Variants in IQCM observed in about 807,000 individuals in gnomAD.
IQCM encodes the protein IQ motif containing M.
In IQCM, 45 loss-of-function variants were observed where a neutral mutation model predicts 57.6. That is an observed-to-expected ratio of 0.78 (90% CI 0.62 to 1.00). The LOEUF (loss-of-function observed/expected upper bound fraction) is 1.00. Among genes scored for constraint, IQCM ranks in the 50% least tolerant of loss-of-function variants. The pLI, the probability that IQCM is intolerant of heterozygous loss-of-function variation, is 0.00. For missense variants in IQCM, 468 were observed against 511.6 expected (o/e 0.91, Z 0.82); for synonymous variants, 148 against 158.9 (o/e 0.93, Z 0.51).
At chr4:149,542,785 AC>A (rs1747986674) in intron 12 of IQCM, among the ~76,000 whole-genome samples, 1 of 152,250 alleles carries the variant, frequency 6.6e-6, no homozygotes, top group South Asian at 2.1e-4. Context: ...ATAATAGCAA[AC>A]TTTTATTGTG....
At chr4:149,478,658 C>T (rs1252799909) in intron 12 of IQCM, among the ~76,000 whole-genome samples, 2 of 152,064 alleles carry the variant, frequency 1.3e-5, no homozygotes, top group Non-Finnish European at 2.9e-5. Flanking sequence ...AGACAAGACG[C>T]AGGAAATAGC....
At chr4:149,473,184 G>A (rs1490610605) in intron 12 of IQCM, among the ~76,000 whole-genome samples, 3 of 152,128 alleles carry the variant, frequency 2.0e-5, no homozygotes, top group East Asian at 1.9e-4. Flanking sequence ...GAGTGAACAG[G>A]CGACCTACAG....
chr4:149,605,161 T>C (rs1287422788), intron 8 of IQCM, among the ~76,000 whole-genome samples: 1 of 152,152 alleles, frequency 6.6e-6, no homozygotes, highest in Non-Finnish European at 1.5e-5. Flanking sequence ...TGATTGAGAA[T>C]TGGGTTGAAT....
At chr4:149,636,130 A>T (rs951410555) in intron 7 of IQCM, among the ~76,000 whole-genome samples, 5 of 152,198 alleles carry the variant, frequency 3.3e-5, no homozygotes, top group Non-Finnish European at 5.9e-5. Context: ...TTCGTTTTTC[A>T]GCTAGAGTGC....
chr4:149,700,431 T>C (rs1763682370), intron 5 of IQCM, among the ~76,000 whole-genome samples: 1 of 151,866 alleles, frequency 6.6e-6, no homozygotes, highest in Non-Finnish European at 1.5e-5. Context: ...ACATGTCCCC[T>C]GGCTCTCTCA....
chr4:149,454,207 TAC>T (rs1258071478), intron 12 of IQCM, among the ~76,000 whole-genome samples: 1 of 145,694 alleles, frequency 6.9e-6, no homozygotes, highest in Non-Finnish European at 1.5e-5. Flanking sequence ...TATAAACACA[TAC>T]ACACACAATT....
chr4:149,466,474 A>G (rs1738869721), intron 12 of IQCM, among the ~76,000 whole-genome samples: 1 of 152,200 alleles, frequency 6.6e-6, no homozygotes, highest in African/African-American at 2.4e-5. Flanking sequence ...TGGAATTTTT[A>G]TCAGGAGAAA....
intron 12 of IQCM, among the ~76,000 whole-genome samples, chr4:149,484,880 G>A (rs1741302269): frequency 6.6e-6 from 1 of 151,948 alleles, no homozygotes. Flanking sequence ...GGTACATTTG[G>A]TATTGATGAA....
intron 12 of IQCM, among the ~76,000 whole-genome samples, chr4:149,504,419 C>T (rs1743575098): frequency 6.6e-6 from 1 of 152,106 alleles, no homozygotes. Context: ...AATGGGGATA[C>T]TACAGACTGA....
At chr4:149,800,373 A>G (rs1241491739) in intron 2 of IQCM, among the ~76,000 whole-genome samples, 2 of 152,028 alleles carry the variant, frequency 1.3e-5, no homozygotes, top group Non-Finnish European at 2.9e-5. Context: ...CATATATGAC[A>G]GACTCACAGC....
intron 5 of IQCM, among the ~76,000 whole-genome samples, chr4:149,710,127 TA>T (rs1412391242): frequency 2.0e-5 from 3 of 152,116 alleles, no homozygotes; most frequent in Non-Finnish European, 2.9e-5. Context: ...GCTGATGTCA[TA>T]AAACTCTTTC....
rs1742933052 is a variant in IQCM at position 149,498,774 on chromosome 4, G to A, written c.1228+49681C>T. Among the ~76,000 whole-genome samples, 7 of 152,220 alleles carry A rather than the reference G, an allele frequency of 4.6e-5. No homozygotes were observed. The South Asian group carries it at 1.5e-3, about 32-fold the overall frequency. ...CCTTCAAGAGAAGCAGAAGAAGATGGCACAGGTGAGTGAAGGAACACACAG... is the reference window on the plus strand; with the variant it reads ...CCTTCAAGAGAAGCAGAAGAAGATGACACAGGTGAGTGAAGGAACACACAG... On this transcript the variant is annotated intron_variant, in intron 12 of 13. Transcript: ENST00000636793.
intron 13 of IQCM, among the ~76,000 whole-genome samples, chr4:149,369,787 T>C (rs1389259267): frequency 6.6e-6 from 1 of 152,226 alleles, no homozygotes; most frequent in East Asian, 1.9e-4. Context: ...CCAAATTATC[T>C]TAATGGGATT....
rs572694558 is a variant in IQCM, at chr4:149,500,696, T to C, written c.1228+47759A>G. On this transcript the variant is annotated intron_variant, in intron 12 of 13. Coordinates refer to ENST00000636793, the MANE Select transcript of IQCM (RefSeq NM_001363507.2). ...CAGGTTTTTAAGCAGATGGCTTGTA[T>C]ATATTTAGGAAGAAAAGAGTGGAAA... Among the ~76,000 whole-genome samples the C allele has an allele frequency of 1.3e-3, 198 of 152,268 alleles. 1 individual carries two copies. The highest frequency in any genetic ancestry group is 4.7e-3 in the African/African-American group (195 of 41,562).
intron 12 of IQCM, among the ~76,000 whole-genome samples, chr4:149,445,980 C>T (rs17586020): frequency 0.018 from 2,684 of 151,668 alleles, 79 homozygotes; most frequent in African/African-American, 0.062. Flanking sequence ...TAAAGAATAA[C>T]GTCTACTTCT....
At chr4:149,482,534 G>T (rs1039189827) in intron 12 of IQCM, among the ~76,000 whole-genome samples, 1 of 151,796 alleles carries the variant, frequency 6.6e-6, no homozygotes, top group East Asian at 1.9e-4. Flanking sequence ...CAATTGAAAT[G>T]GTCATATGGT....
At chr4:149,733,097 T>G (rs1465026472) in intron 5 of IQCM, 147 bp downstream of exon 5, 6 of 670,820 alleles carry the variant, frequency 8.9e-6, no homozygotes, top group African/African-American at 1.9e-5. Context: ...GATTAGCAGC[T>G]CTAATAATCA....
intron 12 of IQCM, among the ~76,000 whole-genome samples, chr4:149,444,252 T>C (rs904171672): frequency 6.6e-6 from 1 of 151,934 alleles, no homozygotes; most frequent in African/African-American, 2.4e-5. Flanking sequence ...TAAAAATGAA[T>C]GTGTAAATAG....
At chr4:149,801,882 A>G (rs1773635778) in intron 2 of IQCM, among the ~76,000 whole-genome samples, 1 of 151,976 alleles carries the variant, frequency 6.6e-6, no homozygotes, top group Non-Finnish European at 1.5e-5. Flanking sequence ...TCAAATAACT[A>G]AACTAGTATA....
Sources: allele counts gnomAD v4.1 joint callset (sites outside exome capture counted in the v4.1 genomes callset), GRCh38; gene constraint gnomAD v4.1.1; transcripts MANE v1.5; gene names NCBI Gene and HGNC (gene_info 2026-07-23, HGNC 2026-07-21).